The following GALNS variants were observed in gnomAD, a reference collection of about 807,000 sequenced individuals.
The protein encoded by GALNS is galactosamine (N-acetyl)-6-sulfatase.
A neutral mutation model predicts 65.9 loss-of-function variants in GALNS; 65 were observed. The observed-to-expected ratio is 0.99, with a 90% CI of 0.81 to 1.21. GALNS has a LOEUF of 1.21. Ranked by LOEUF, GALNS falls within the 50% of genes most tolerant of loss-of-function variation. GALNS has a pLI of 0.00. For missense variants in GALNS, 776 were observed against 700.7 expected (o/e 1.11, Z -1.21); for synonymous variants, 346 against 288.9 (o/e 1.20, Z -2.00).
rs141544939 is a variant in GALNS, at chr16:88,835,278, G to A, written c.833C>T (p.Ala278Val). 3.8e-5 allele frequency: 62 copies of A among 1,612,330 alleles called. No individual in the cohort carries two copies. The highest frequency in any genetic ancestry group is 1.7e-4 in the Middle Eastern group (1 of 6,056). The change falls in exon 8 of 14, where the codon GCG becomes GTG. Residue 278 changes from alanine (A) to valine (V), a missense_variant. Physicochemically the swap from Ala to Val is moderately conservative, Grantham distance 64. Coordinates refer to ENST00000268695, the MANE Select transcript of GALNS (RefSeq NM_000512.5). The stretch of plus-strand genomic sequence containing the variant: ...CGTGAAGAAGACGAAGGTGTTGTCC[G>A]CGACGTGCAGGTCTTGGAGGAGCTC... ...ILELLQDLHV[A>V]DNTFVFFTSD...
chr16:88,853,870 CT>C (rs1967628241), intron 1 of GALNS, among the ~76,000 whole-genome samples: 1 of 152,216 alleles, frequency 6.6e-6, no homozygotes, highest in South Asian at 2.1e-4. Flanking sequence ...CTCTTGCCAG[CT>C]GCTCTCACCC....
chr16:88,837,591 C>T (rs182345470), intron 5 of GALNS, 31 bp downstream of exon 5: 59 of 1,609,736 alleles, frequency 3.7e-5, no homozygotes, highest in Admixed American at 1.3e-4. Context: ...CAGTTCAGGA[C>T]GTGGGAGGGG....
intron 2 of GALNS, chr16:88,842,265 G>A (rs543801460): frequency 3.1e-4 from 173 of 556,104 alleles, no homozygotes; most frequent in Non-Finnish European, 4.5e-4. Flanking sequence ...AGGTCCACAC[G>A]CCCCCATCCT....
rs1443234821 is a variant in GALNS, at chr16:88,824,815, G to A, written c.1194C>T (p.His398=). ...DTLMAATLGQ[H]KAHFWTWTNS... is the part of the protein sequence containing the mutation. The stretch of plus-strand genomic sequence containing the variant: ...TGGTCCAGGTCCAGAAGTGAGCCTT[G>A]TGCTGCCCGAGGGTGGCCGCCATCA... Residue 398 remains histidine, a synonymous_variant, in exon 11 of 14, where the codon CAC becomes CAT. Coordinates refer to ENST00000268695, the MANE Select transcript of GALNS (RefSeq NM_000512.5). 1.2e-6 allele frequency: 2 copies of A among 1,613,320 alleles called. No homozygotes were observed. The highest frequency in any genetic ancestry group is 1.3e-5 in the African/African-American group (1 of 74,926).
At chr16:88,839,158 G>A (rs976630691) in intron 4 of GALNS, among the ~76,000 whole-genome samples, 6 of 150,426 alleles carry the variant, frequency 4.0e-5, no homozygotes, top group Admixed American at 6.6e-5. Flanking sequence ...GTGCGCCCAC[G>A]TCCGCTGGTC....
intron 8 of GALNS, among the ~76,000 whole-genome samples, chr16:88,833,919 G>T (rs114748431): frequency 6.1e-4 from 93 of 152,326 alleles, no homozygotes; most frequent in Middle Eastern, 3.4e-3. Context: ...GACTCAGGTC[G>T]CTGGGACCCT....
intron 1 of GALNS, among the ~76,000 whole-genome samples, chr16:88,849,860 C>T (rs778895435): frequency 7.9e-5 from 12 of 152,250 alleles, no homozygotes; most frequent in African/African-American, 1.9e-4. Flanking sequence ...GGGGGCAGGA[C>T]GCCCGCAGAG....
rs762690924 is a variant in GALNS at position 88,826,715 on chromosome 16, G to A, written c.1126C>T (p.Arg376Trp). 22 of 1,612,418 alleles carry A rather than the reference G, an allele frequency of 1.4e-5. No homozygotes were observed. In the Admixed American group the frequency reaches 2.5e-4, roughly 18 times the overall value. The change falls in exon 10 of 14, where the codon CGG becomes TGG. Residue 376 changes from arginine (R) to tryptophan (W), a missense_variant. Transcript: ENST00000268695. ...TCTAGCACCAACCTGTCCATCAGCC[G>A]GCCCTGCAGGAGGGTGGGGAGGAGG... ...LNLLPTLLQG[R>W]LMDRPIFYYR... is the part of the protein sequence containing the mutation.
intron 8 of GALNS, among the ~76,000 whole-genome samples, chr16:88,833,173 T>A (rs1911699662): frequency 6.6e-6 from 1 of 151,768 alleles, no homozygotes; most frequent in African/African-American, 2.4e-5. Flanking sequence ...CTTCCTGCGC[T>A]GCCATCCAAC....
Position 88,826,817 on chromosome 16 carries a change from T to C in GALNS, c.1024A>G (p.Ile342Val). 6.3e-7 allele frequency: 1 copy of C among 1,589,174 alleles called. No individual in the cohort carries two copies. Reference protein sequence around the residue: ...AGQVSHQLGSIMDLFTTSLAL... With the variant: ...AGQVSHQLGSVMDLFTTSLAL... ...AGGCTGGTGGTGAAGAGGTCCATGA[T>C]GCTGCCCAGCTGGTGGCTCACCTGA... is the stretch of plus-strand genomic sequence containing the variant. Residue 342 changes from isoleucine to valine, a missense_variant, in exon 10 of 14, where the codon ATC becomes GTC. Ile to Val is a conservative substitution (Grantham distance 29). Transcript: ENST00000268695.
intron 11 of GALNS, 23 bp from the exon 12 acceptor site, chr16:88,822,733 G>A (rs757261806): frequency 1.2e-6 from 2 of 1,609,320 alleles, no homozygotes; most frequent in African/African-American, 1.3e-5. Flanking sequence ...GAGGGAAGGT[G>A]TGTCCTGGAG....
At chr16:88,850,069 G>A (rs1567543952) in intron 1 of GALNS, among the ~76,000 whole-genome samples, 2 of 152,366 alleles carry the variant, frequency 1.3e-5, no homozygotes, top group East Asian at 1.9e-4. Context: ...ACCTCCCCGA[G>A]TGCAGATTCA....
Position 88,856,918 on chromosome 16 carries a change from C to G in GALNS, c.-41G>C. The G allele has an allele frequency of 2.0e-6, 3 of 1,486,834 alleles. No homozygotes were observed. The highest frequency in any genetic ancestry group is 2.7e-6 in the Non-Finnish European group (3 of 1,126,870). The allele number at this position is 1,486,834 out of a possible 1,614,324, so 92.1% of individuals were successfully genotyped here. On this transcript the variant is annotated 5_prime_UTR_variant, in exon 1 of 14. Transcript: ENST00000268695. ...CGCGGAGCCCCGGCCAGCGAGCCGACCTAGCGAGCGTCCGCCGGCCCTTCC... is the reference window on the plus strand; with the variant it reads ...CGCGGAGCCCCGGCCAGCGAGCCGAGCTAGCGAGCGTCCGCCGGCCCTTCC...
intron 9 of GALNS, among the ~76,000 whole-genome samples, chr16:88,830,342 A>G (rs1210162882): frequency 6.6e-5 from 10 of 151,742 alleles, no homozygotes; most frequent in African/African-American, 1.7e-4. Flanking sequence ...TGGGGCAGCT[A>G]CTAGGATTGG....
chr16:88,816,887 G>T (rs1909686575), intron 13 of GALNS: 2 of 985,454 alleles, frequency 2.0e-6, no homozygotes, highest in Non-Finnish European at 2.4e-6. Context: ...AGATCCAGGG[G>T]CTGTGGGCAG....
In GALNS at chr16:88,856,911, G is replaced by T. The variant is rs1362484063; in HGVS notation, c.-34C>A. ...CGGGAGCCGCGGAGCCCCGGCCAGC[G>T]AGCCGACCTAGCGAGCGTCCGCCGG... On this transcript the variant is annotated 5_prime_UTR_variant, in exon 1 of 14. Coordinates refer to ENST00000268695, the MANE Select transcript of GALNS (RefSeq NM_000512.5). 6 of 1,496,552 alleles carry T rather than the reference G, an allele frequency of 4.0e-6. No individual in the cohort carries two copies. Among genetic ancestry groups the T allele is most frequent in the Admixed American group, 2.2e-5 (1 of 46,380 alleles). 92.7% of individuals were successfully genotyped at this position (1,496,552 alleles called of 1,614,324 possible).
At chr16:88,852,257 T>C (rs573575210) in intron 1 of GALNS, among the ~76,000 whole-genome samples, 200 of 152,340 alleles carry the variant, frequency 1.3e-3, no homozygotes, top group Non-Finnish European at 1.9e-3. Flanking sequence ...GGAGTGGACC[T>C]TCAGCAAACT....
At chr16:88,847,020 C>T (rs557677004) in intron 1 of GALNS, among the ~76,000 whole-genome samples, 3 of 152,246 alleles carry the variant, frequency 2.0e-5, no homozygotes, top group African/African-American at 7.2e-5. Flanking sequence ...GAGGGAAAAC[C>T]TCTTAGTAAA....
rs377151771 is a variant in GALNS at position 88,814,410 on chromosome 16, T to G, written c.*29A>C. 854 of 1,551,448 alleles carry G rather than the reference T, an allele frequency of 5.5e-4. No individual in the cohort carries two copies. Among genetic ancestry groups the G allele is most frequent in the Non-Finnish European group, 7.0e-4 (807 of 1,147,726 alleles). On this transcript the variant is annotated 3_prime_UTR_variant, in exon 14 of 14. Transcript: ENST00000268695. Reference sequence around the variant, plus strand: ...GGCACTTGCAGGGCCAACCGGAGATTCTAGGCCTGGCCTGAGTCTGCGCAG... The same window carrying G: ...GGCACTTGCAGGGCCAACCGGAGATGCTAGGCCTGGCCTGAGTCTGCGCAG...
Sources: allele counts gnomAD v4.1 joint callset (sites outside exome capture counted in the v4.1 genomes callset), GRCh38; gene constraint gnomAD v4.1.1; transcripts MANE v1.5; gene names NCBI Gene and HGNC (gene_info 2026-07-23, HGNC 2026-07-21).